EEPD1: variants seen among roughly 807,000 people sequenced by gnomAD.
EEPD1 encodes the protein endonuclease/exonuclease/phosphatase family domain-containing protein 1.
Under a neutral mutation model 46.3 loss-of-function variants are expected in EEPD1, and 17 were observed. The observed-to-expected ratio is 0.37, with a 90% CI of 0.25 to 0.55. EEPD1 has a LOEUF of 0.55. Ranked by LOEUF, EEPD1 falls within the 20% of genes least tolerant of loss-of-function variation. The pLI, the probability that EEPD1 is intolerant of heterozygous loss-of-function variation, is 0.83. For missense variants in EEPD1, 673 were observed against 745.6 expected (o/e 0.90, Z 1.13); for synonymous variants, 313 against 315.6 (o/e 0.99, Z 0.09).
chr7:36,228,234 TAAAACA>T (rs1435324132), intron 2 of EEPD1, among the ~76,000 whole-genome samples: 67 of 152,222 alleles, frequency 4.4e-4, no homozygotes, highest in South Asian at 1.4e-3. Flanking sequence ...CCACCCCACA[TAAAACA>T]AATACAGACT....
intron 2 of EEPD1, among the ~76,000 whole-genome samples, chr7:36,188,132 T>C (rs1436230879): frequency 6.6e-6 from 1 of 152,190 alleles, no homozygotes; most frequent in Non-Finnish European, 1.5e-5. Context: ...GTTGTTACTC[T>C]CTTATTAATT....
In EEPD1 at chr7:36,300,365, G is replaced by T. The variant is rs192103619; in HGVS notation, c.*1159G>T. On this transcript the variant is annotated 3_prime_UTR_variant, in exon 8 of 8. Transcript: ENST00000242108. ...CCCAGGGAGATCTGCCACAATTTGCGTTTCACAGCTGAAGACGCTGAGGCT... is the reference window on the plus strand; with the variant it reads ...CCCAGGGAGATCTGCCACAATTTGCTTTTCACAGCTGAAGACGCTGAGGCT... 2.6e-5 allele frequency: 4 copies of T among 152,352 alleles called. No individual in the cohort carries two copies. In the East Asian group the frequency reaches 7.7e-4, roughly 29 times the overall value. The allele number at this position is 152,352 out of a possible 1,614,324, so 9.4% of individuals were successfully genotyped here. A position where few individuals can be genotyped will look rare whatever the true frequency, so the allele number is the denominator to read the frequency against.
rs532277209 is a variant in EEPD1, at chr7:36,257,441, C to T, written c.930+18405C>T. On this transcript the variant is annotated intron_variant, in intron 3 of 7. Transcript: ENST00000242108. The stretch of plus-strand genomic sequence containing the variant: ...TTTCCAAGTTGGTTTCCATTCTCCC[C>T]GTTACTTTCAGGTACACCAATCAAA... Among the ~76,000 whole-genome samples the T allele has an allele frequency of 1.2e-4, 19 of 152,122 alleles. 1 individual carries two copies. The South Asian group carries it at 3.1e-3, about 25-fold the overall frequency.
At chr7:36,253,921 A>T (rs1786787956) in intron 3 of EEPD1, among the ~76,000 whole-genome samples, 1 of 152,110 alleles carries the variant, frequency 6.6e-6, no homozygotes, top group Non-Finnish European at 1.5e-5. Flanking sequence ...GTCCATTCAC[A>T]TTTAATGCTA....
intron 2 of EEPD1, 84 bp from the exon 3 acceptor site, chr7:36,238,901 T>C (rs932909402): frequency 3.6e-6 from 5 of 1,399,590 alleles, no homozygotes; most frequent in Non-Finnish European, 4.8e-6. Context: ...AATTTCAGCC[T>C]TTTGTTCTTG....
chr7:36,256,171 T>A (rs1157123229), intron 3 of EEPD1, among the ~76,000 whole-genome samples: 1 of 152,230 alleles, frequency 6.6e-6, no homozygotes, highest in East Asian at 1.9e-4. Context: ...CTAATTTGAT[T>A]GCACTGTGTG....
At chr7:36,167,703 A>C (rs1246976868) in intron 2 of EEPD1, among the ~76,000 whole-genome samples, 3 of 152,022 alleles carry the variant, frequency 2.0e-5, no homozygotes, top group Non-Finnish European at 4.4e-5. Context: ...CATTTAGAAC[A>C]TAGTGCCCTT....
At chr7:36,238,360 G>A (rs941640539) in intron 2 of EEPD1, among the ~76,000 whole-genome samples, 15 of 152,322 alleles carry the variant, frequency 9.8e-5, no homozygotes, top group African/African-American at 3.6e-4. Context: ...ATACAGCCCA[G>A]TATGTCTTGG....
At chr7:36,165,349 G>T (rs977922129) in intron 2 of EEPD1, among the ~76,000 whole-genome samples, 2 of 150,614 alleles carry the variant, frequency 1.3e-5, no homozygotes, top group Non-Finnish European at 3.0e-5. Flanking sequence ...CTAGCATCTA[G>T]GTCTGTGAAA....
intron 6 of EEPD1, among the ~76,000 whole-genome samples, chr7:36,296,464 A>T (rs1045198884): frequency 2.0e-5 from 3 of 152,058 alleles, no homozygotes; most frequent in Admixed American, 6.6e-5. Flanking sequence ...ATCCTCTGAG[A>T]CCCAAGTCAG....
intron 3 of EEPD1, among the ~76,000 whole-genome samples, chr7:36,274,626 T>C (rs1376391925): frequency 3.9e-5 from 6 of 152,154 alleles, no homozygotes; most frequent in Non-Finnish European, 8.8e-5. Flanking sequence ...TGTGCCGTGG[T>C]GATTTGCTGC....
intron 2 of EEPD1, among the ~76,000 whole-genome samples, chr7:36,219,029 G>A (rs1269082076): frequency 6.6e-6 from 1 of 152,108 alleles, no homozygotes; most frequent in East Asian, 1.9e-4. Context: ...AAGTCTGTAG[G>A]AAGTTCCCTG....
Position 36,230,272 on chromosome 7 carries a change from C to G in EEPD1, c.879-8713C>G, listed in dbSNP as rs547621850. On this transcript the variant is annotated intron_variant, in intron 2 of 7. Transcript: ENST00000242108. ...TCCAGCATTGCCACCCCCACCCCAT[C>G]CCCATCCATTCTCAACACCATGGCC... is the stretch of plus-strand genomic sequence containing the variant. Among the ~76,000 whole-genome samples, 328 of 151,768 alleles carry G rather than the reference C, an allele frequency of 2.2e-3. 1 individual carries two copies. The highest frequency in any genetic ancestry group is 3.9e-3 in the Admixed American group (59 of 15,216).
At position 36,188,780 on chromosome 7, in the gene EEPD1, A is replaced by G. The variant is rs546838566; in HGVS notation, c.878+33578A>G. ...TTAAAAAAAAATTGAGCTCTGAACTATGTGAATGGCTAATTACAGATATTT... is the reference window on the plus strand; with the variant it reads ...TTAAAAAAAAATTGAGCTCTGAACTGTGTGAATGGCTAATTACAGATATTT... On this transcript the variant is annotated intron_variant, in intron 2 of 7. Coordinates refer to ENST00000242108, the MANE Select transcript of EEPD1 (RefSeq NM_030636.3). Among the ~76,000 whole-genome samples, 666 of 152,250 alleles carry G rather than the reference A, an allele frequency of 4.4e-3. 2 individuals carry two copies. The highest frequency in any genetic ancestry group is 6.3e-3 in the Non-Finnish European group (428 of 68,018).
rs1292460962 is a variant in EEPD1, at chr7:36,298,957, A to AG, written c.1511-50_1511-49insG. 3.1e-6 allele frequency: 5 copies of AG among 1,593,934 alleles called. No homozygotes were observed. In the African/African-American group the frequency reaches 6.7e-5, roughly 21 times the overall value. On this transcript the variant is annotated intron_variant, in intron 7 of 7. Coordinates refer to ENST00000242108, the MANE Select transcript of EEPD1 (RefSeq NM_030636.3). ...CACCTGCCAATCCAGGACCTCCCGCACCCAACCCCCCATCCTGATTCCCGG... is the reference window on the plus strand; with the variant it reads ...CACCTGCCAATCCAGGACCTCCCGCAGCCCAACCCCCCATCCTGATTCCCGG...
chr7:36,287,215 T>C (rs536267734), intron 5 of EEPD1, among the ~76,000 whole-genome samples: 191 of 110,832 alleles, frequency 1.7e-3, no homozygotes, highest in African/African-American at 6.8e-3. Flanking sequence ...CCAGCCTGGG[T>C]GACAGAGTGA....
intron 2 of EEPD1, among the ~76,000 whole-genome samples, chr7:36,232,847 T>C (rs2115769394): frequency 6.6e-6 from 1 of 152,176 alleles, no homozygotes; most frequent in South Asian, 2.1e-4. Flanking sequence ...CAGTTGAAGT[T>C]ATTTTAATGT....
intron 3 of EEPD1, among the ~76,000 whole-genome samples, chr7:36,272,089 G>A (rs976435214): frequency 6.6e-6 from 1 of 151,666 alleles, no homozygotes; most frequent in Non-Finnish European, 1.5e-5. Flanking sequence ...CACCATGTTG[G>A]CCAGGCTGGT....
At position 36,154,728 on chromosome 7, in the gene EEPD1, C is replaced by G. The variant is rs1784793880; in HGVS notation, c.404C>G (p.Pro135Arg). ...HHLATAVPLT[P>R]RVNINTATPA... ...CTGGCCACAGCTGTGCCCCTCACCC[C>G]ACGTGTTAACATCAACACAGCCACC... The change falls in exon 2 of 8, where the codon CCA (proline) becomes CGA (arginine). Residue 135 changes from proline (P) to arginine (R), a missense_variant. By Grantham distance (103) the Pro-to-Arg change is moderately radical. Transcript: ENST00000242108. The surrounding 1 kb of genome is among the most constrained non-coding windows in gnomAD (Gnocchi z 4.2). 1 of 1,614,022 alleles carries G rather than the reference C, an allele frequency of 6.2e-7. No individual in the cohort carries two copies. The highest frequency in any genetic ancestry group is 1.7e-5 in the Admixed American group (1 of 60,020).
Sources: allele counts gnomAD v4.1 joint callset (sites outside exome capture counted in the v4.1 genomes callset), GRCh38; gene constraint gnomAD v4.1.1; non-coding constraint Gnocchi (gnomAD v3.1); transcripts MANE v1.5; gene names NCBI Gene and HGNC (gene_info 2026-07-23, HGNC 2026-07-21).